Variants in PALM2AKAP2 observed in about 807,000 individuals in gnomAD.
PALM2AKAP2 encodes the protein PALM2-AKAP2 fusion protein.
In PALM2AKAP2, 37 loss-of-function variants were observed where a neutral mutation model predicts 71.5. The ratio of observed to expected loss-of-function variants is 0.52; its 90% CI spans 0.40 to 0.68. The LOEUF (loss-of-function observed/expected upper bound fraction) is 0.68, where lower values mean the gene tolerates loss of function less well. Ranked by LOEUF, PALM2AKAP2 falls within the 30% of genes least tolerant of loss-of-function variation. The pLI, the probability that PALM2AKAP2 is intolerant of heterozygous loss-of-function variation, is 0.00. For synonymous variants in PALM2AKAP2, 468 were observed against 478.8 expected (o/e 0.98, Z 0.29); for missense variants, 1,224 against 1,191.8 (o/e 1.03, Z -0.40).
chr9:109,666,235 C>A (rs1224699434), intron 1 of PALM2AKAP2, among the ~76,000 whole-genome samples: 1 of 152,182 alleles, frequency 6.6e-6, no homozygotes, highest in Non-Finnish European at 1.5e-5. Flanking sequence ...CCAGGTACCT[C>A]AGTTGGAAAT....
intron 1 of PALM2AKAP2, among the ~76,000 whole-genome samples, chr9:109,679,594 T>C (rs1827695959): frequency 6.6e-6 from 1 of 152,258 alleles, no homozygotes; most frequent in Non-Finnish European, 1.5e-5. Flanking sequence ...TAATATTGGG[T>C]TTTTCTTACC....
intron 1 of PALM2AKAP2, among the ~76,000 whole-genome samples, chr9:109,716,938 A>C (rs1374615921): frequency 6.6e-6 from 1 of 152,186 alleles, no homozygotes; most frequent in Non-Finnish European, 1.5e-5. Flanking sequence ...GGCTTGCCAG[A>C]AGGACTAACT....
At chr9:109,733,263 T>C (rs1209792169) in intron 1 of PALM2AKAP2, among the ~76,000 whole-genome samples, 1 of 152,134 alleles carries the variant, frequency 6.6e-6, no homozygotes, top group Admixed American at 6.6e-5. Flanking sequence ...AAGAGGGTCG[T>C]TGGGGAGAAG....
At chr9:109,681,713 TTA>T in intron 1 of PALM2AKAP2, among the ~76,000 whole-genome samples, 1 of 152,352 alleles carries the variant, frequency 6.6e-6, no homozygotes. Flanking sequence ...TATTTTAGAC[TTA>T]TTATATGGGT....
At chr9:110,078,395 A>G (rs980644749) in intron 1 of PALM2AKAP2, among the ~76,000 whole-genome samples, 2 of 152,188 alleles carry the variant, frequency 1.3e-5, no homozygotes, top group Non-Finnish European at 2.9e-5. Context: ...TTCTCTGTCT[A>G]TATTTTCCTA....
rs142999821 is a variant in PALM2AKAP2, at chr9:109,942,606, T to A, written c.496+10578T>A. The A allele has an allele frequency of 4.6e-3, 6,822 of 1,476,234 alleles. 20 individuals are homozygous for A. Among genetic ancestry groups the A allele is most frequent in the Non-Finnish European group, 5.7e-3 (6,302 of 1,104,988 alleles). The allele number at this position is 1,476,234 out of a possible 1,614,324, so 91.4% of individuals were successfully genotyped here. On this transcript the variant is annotated intron_variant, in intron 6 of 9. Transcript: ENST00000302798. ...GAATAGAAAGGGCACAAAACCTTTTTTTTTGTCTGTTTGGCAATTAACCAT... is the reference window on the plus strand; with the variant it reads ...GAATAGAAAGGGCACAAAACCTTTTATTTTGTCTGTTTGGCAATTAACCAT...
intron 1 of PALM2AKAP2, among the ~76,000 whole-genome samples, chr9:110,100,168 G>C (rs1834963346): frequency 6.7e-6 from 1 of 150,234 alleles, no homozygotes; most frequent in Non-Finnish European, 1.5e-5. Context: ...TCTGATTTAT[G>C]AAGGGTAAGA....
chr9:110,048,958 T>C, intron 1 of PALM2AKAP2: 2 of 1,362,832 alleles, frequency 1.5e-6, no homozygotes, highest in Non-Finnish European at 1.9e-6. Flanking sequence ...AATCTGGGAG[T>C]CCTCGGAAGC....
At chr9:109,813,346 G>A (rs1191722689) in intron 1 of PALM2AKAP2, among the ~76,000 whole-genome samples, 2 of 152,156 alleles carry the variant, frequency 1.3e-5, no homozygotes, top group Non-Finnish European at 2.9e-5. Context: ...TTCAGAAGCT[G>A]ATGAGATGTC....
chr9:109,911,909 G>A (rs1830577551), intron 3 of PALM2AKAP2, among the ~76,000 whole-genome samples: 1 of 152,202 alleles, frequency 6.6e-6, no homozygotes, highest in Non-Finnish European at 1.5e-5. Flanking sequence ...ACAAGGCAGA[G>A]TGTACCAAAA....
At chr9:109,948,041 A>G (rs1831550949) in intron 6 of PALM2AKAP2, among the ~76,000 whole-genome samples, 1 of 152,242 alleles carries the variant, frequency 6.6e-6, no homozygotes, top group Non-Finnish European at 1.5e-5. Context: ...TTAATGAGGA[A>G]GATGGGATGT....
chr9:109,939,803 A>G (rs904310760), intron 6 of PALM2AKAP2, among the ~76,000 whole-genome samples: 30 of 152,264 alleles, frequency 2.0e-4, no homozygotes, highest in Non-Finnish European at 4.3e-4. Context: ...CACCTCTATG[A>G]CAAATGCTGG....
At chr9:109,687,471 CA>C (rs1644594977) in intron 1 of PALM2AKAP2, among the ~76,000 whole-genome samples, 1 of 152,204 alleles carries the variant, frequency 6.6e-6, no homozygotes, top group South Asian at 2.1e-4. Context: ...TTATGTTATG[CA>C]GAGAGCTTCT....
intron 3 of PALM2AKAP2, among the ~76,000 whole-genome samples, chr9:109,907,310 C>T (rs1209348363): frequency 6.6e-6 from 1 of 152,214 alleles, no homozygotes; most frequent in Non-Finnish European, 1.5e-5. Context: ...TATAGCCCAA[C>T]ACTTGCTTGA....
chr9:110,117,827 GA>G (rs1835395432), intron 1 of PALM2AKAP2, among the ~76,000 whole-genome samples: 1 of 151,858 alleles, frequency 6.6e-6, no homozygotes. Context: ...GAATTTTTGG[GA>G]GACACATTGA....
At chr9:109,820,305 T>G (rs1827962951) in intron 1 of PALM2AKAP2, among the ~76,000 whole-genome samples, 2 of 152,250 alleles carry the variant, frequency 1.3e-5, no homozygotes, top group Admixed American at 6.5e-5. Flanking sequence ...GTTGCACATT[T>G]ACTCTGAAGA....
chr9:110,024,759 G>A, intron 7 of PALM2AKAP2: 1 of 616,048 alleles, frequency 1.6e-6, no homozygotes, highest in Non-Finnish European at 2.8e-6. Flanking sequence ...ACTCTATCCT[G>A]GGTGATGACA....
chr9:110,009,595 T>G (rs1832843227), intron 6 of PALM2AKAP2, among the ~76,000 whole-genome samples: 1 of 150,802 alleles, frequency 6.6e-6, no homozygotes, highest in South Asian at 2.1e-4. Context: ...GCGCCTGTAG[T>G]CCCAACTACC....
intron 6 of PALM2AKAP2, among the ~76,000 whole-genome samples, chr9:109,954,655 T>C (rs1049199128): frequency 2.5e-5 from 1 of 40,070 alleles, no homozygotes; most frequent in African/African-American, 1.3e-4. Context: ...ACTTAAAGTA[T>C]AATAAAAAAA....
Sources: allele counts gnomAD v4.1 joint callset (sites outside exome capture counted in the v4.1 genomes callset), GRCh38; gene constraint gnomAD v4.1.1; transcripts MANE v1.5; gene names NCBI Gene and HGNC (gene_info 2026-07-23, HGNC 2026-07-21).